Variants in ABCA13 observed in about 807,000 individuals in gnomAD.
The protein encoded by ABCA13 is ATP binding cassette subfamily A member 13, also known as ATP-binding cassette sub-family A member 13.
Under a neutral mutation model 478.7 loss-of-function variants are expected in ABCA13, and 476 were observed. The ratio of observed to expected loss-of-function variants is 0.99; its 90% CI spans 0.92 to 1.07. The LOEUF is 1.07. Ranked by LOEUF, ABCA13 falls within the 50% of genes least tolerant of loss-of-function variation. The pLI, the probability that ABCA13 is intolerant of heterozygous loss-of-function variation, is 0.00. For synonymous variants in ABCA13, 2,252 were observed against 2,158.9 expected, an observed-to-expected ratio of 1.04 and a Z score of -1.20; for missense variants, 6,060 against 5,910.6, an observed-to-expected ratio of 1.03 and a Z score of -0.83.
rs530569043 is a variant in ABCA13 at position 48,222,643 on chromosome 7, A to G, written c.468+1334A>G. Among the ~76,000 whole-genome samples the G allele has an allele frequency of 6.6e-5, 10 of 152,326 alleles. No homozygotes were observed. In the East Asian group the frequency reaches 1.3e-3, roughly 21 times the overall value. ...AGATCAAGTGTAAAAAGCAGAGGACAGTATCATATCCATCGTATGTTTGCG... is the reference window on the plus strand; with the variant it reads ...AGATCAAGTGTAAAAAGCAGAGGACGGTATCATATCCATCGTATGTTTGCG... On this transcript the variant is annotated intron_variant, in intron 5 of 61. Transcript: ENST00000435803.
chr7:48,446,546 T>G (rs1585359654), intron 42 of ABCA13, among the ~76,000 whole-genome samples: 1 of 152,326 alleles, frequency 6.6e-6, no homozygotes, highest in East Asian at 1.9e-4. Flanking sequence ...AATTACTGCT[T>G]CTTCTGATGA....
intron 55 of ABCA13, among the ~76,000 whole-genome samples, chr7:48,550,278 A>G (rs1785191941): frequency 8.6e-6 from 1 of 116,818 alleles, no homozygotes; most frequent in Admixed American, 9.4e-5. Flanking sequence ...TTTTTTGGAA[A>G]TGGAGTCTCG....
intron 3 of ABCA13, among the ~76,000 whole-genome samples, chr7:48,203,914 T>G (rs530245408): frequency 1.3e-5 from 2 of 152,200 alleles, no homozygotes; most frequent in Non-Finnish European, 2.9e-5. Context: ...CATTTCCTAC[T>G]GGTCTCATTT....
intron 15 of ABCA13, among the ~76,000 whole-genome samples, chr7:48,251,509 C>G (rs1792552889): frequency 6.6e-6 from 1 of 152,054 alleles, no homozygotes. Flanking sequence ...AATGCAAATC[C>G]AGGAAGTCTC....
intron 43 of ABCA13, among the ~76,000 whole-genome samples, chr7:48,466,583 A>G (rs1338549127): frequency 6.6e-6 from 1 of 152,224 alleles, no homozygotes; most frequent in African/African-American, 2.4e-5. Flanking sequence ...ATAGTTTTGC[A>G]GATTTTAATA....
At chr7:48,229,804 T>C in intron 6 of ABCA13, 21 bp from the exon 7 acceptor site, 1 of 1,613,538 alleles carries the variant, frequency 6.2e-7, no homozygotes, top group South Asian at 1.1e-5. Flanking sequence ...CATATTGCTT[T>C]TTGTTTTGTT....
chr7:48,196,960 C>A (rs901207986), intron 2 of ABCA13, among the ~76,000 whole-genome samples: 2 of 152,184 alleles, frequency 1.3e-5, no homozygotes, highest in Non-Finnish European at 2.9e-5. Flanking sequence ...CCAAAGACTG[C>A]ATATATGGGT....
intron 54 of ABCA13, among the ~76,000 whole-genome samples, chr7:48,525,601 A>G (rs899795869): frequency 3.3e-5 from 5 of 151,704 alleles, no homozygotes; most frequent in Non-Finnish European, 7.4e-5. Flanking sequence ...TTGGACAAAA[A>G]GAGTATGACC....
intron 42 of ABCA13, among the ~76,000 whole-genome samples, chr7:48,438,525 G>C (rs1823145064): frequency 6.6e-6 from 1 of 151,188 alleles, no homozygotes; most frequent in Admixed American, 6.6e-5. Context: ...GGCATTTTGT[G>C]AGCTTTTTGA....
At chr7:48,355,864 C>A (rs919612022) in intron 31 of ABCA13, among the ~76,000 whole-genome samples, 1 of 151,936 alleles carries the variant, frequency 6.6e-6, no homozygotes, top group African/African-American at 2.4e-5. Context: ...AGAAACTCAG[C>A]TTTGGACATG....
At chr7:48,447,352 A>G (rs1196602608) in intron 42 of ABCA13, among the ~76,000 whole-genome samples, 14 of 152,088 alleles carry the variant, frequency 9.2e-5, no homozygotes, top group Admixed American at 6.5e-5. Context: ...CTTCAATTCC[A>G]TCTTCCTCCC....
intron 49 of ABCA13, 98 bp downstream of exon 49, chr7:48,506,488 C>A: frequency 7.4e-7 from 1 of 1,342,342 alleles, no homozygotes; most frequent in East Asian, 2.3e-5. Flanking sequence ...TGCATTTGCC[C>A]CAAGAGATGG....
intron 59 of ABCA13, among the ~76,000 whole-genome samples, chr7:48,624,016 T>A (rs1461697405): frequency 2.0e-5 from 3 of 151,934 alleles, no homozygotes; most frequent in Non-Finnish European, 4.4e-5. Flanking sequence ...AAGAGCCCTA[T>A]ATGGTATAGA....
intron 55 of ABCA13, among the ~76,000 whole-genome samples, chr7:48,534,276 T>C (rs1433313522): frequency 6.6e-6 from 1 of 152,186 alleles, no homozygotes; most frequent in East Asian, 1.9e-4. Flanking sequence ...ATAATTGCTT[T>C]GTTTAAGGAG....
chr7:48,302,820 C>CCTCATGGTAGAATGAGGATGATT (rs1467620982), intron 23 of ABCA13, among the ~76,000 whole-genome samples: 2 of 152,094 alleles, frequency 1.3e-5, no homozygotes, highest in Non-Finnish European at 1.5e-5. Context: ...GTGTAGGTAT[C>CCTCATGGTAGAATGAGGATGATT]CTCATGGTAG....
At chr7:48,427,689 C>A in intron 41 of ABCA13, 77 bp from the exon 42 acceptor site, 1 of 903,264 alleles carries the variant, frequency 1.1e-6, no homozygotes, top group Non-Finnish European at 1.8e-6. Context: ...CCGGATTAGG[C>A]AATTGAGGCA....
chr7:48,547,517 C>T (rs1469760697), intron 55 of ABCA13, among the ~76,000 whole-genome samples: 1 of 151,870 alleles, frequency 6.6e-6, no homozygotes, highest in Non-Finnish European at 1.5e-5. Flanking sequence ...AGATGGGTTT[C>T]CCTGCTGCTT....
At chr7:48,222,762 A>C (rs1397143465) in intron 5 of ABCA13, among the ~76,000 whole-genome samples, 1 of 152,188 alleles carries the variant, frequency 6.6e-6, no homozygotes, top group African/African-American at 2.4e-5. Flanking sequence ...AATTCTGATA[A>C]AGATGTTATA....
At chr7:48,455,539 C>T (rs1276763110) in intron 43 of ABCA13, among the ~76,000 whole-genome samples, 2 of 152,174 alleles carry the variant, frequency 1.3e-5, no homozygotes, top group South Asian at 4.1e-4. Context: ...CTCATGGTGG[C>T]CGAGTCCCTG....
Sources: allele counts gnomAD v4.1 joint callset (sites outside exome capture counted in the v4.1 genomes callset), GRCh38; gene constraint gnomAD v4.1.1; transcripts MANE v1.5; gene names NCBI Gene and HGNC (gene_info 2026-07-23, HGNC 2026-07-21).